The following KCNQ1OT1 variants were observed in gnomAD, a reference collection of about 807,000 sequenced individuals.
The protein encoded by KCNQ1OT1 is KCNQ1 antisense RNA 2 (non-protein coding).
At chr11:2,666,933 C>G in exon 1 of KCNQ1OT1, 2 of 398,698 alleles carry the variant, frequency 5.0e-6, no homozygotes, top group Non-Finnish European at 8.8e-6. Flanking sequence ...CTCCAGACCA[C>G]CTCTGTCTGC....
At chr11:2,609,124 C>T (rs1217343523) in exon 1 of KCNQ1OT1, 3 of 398,040 alleles carry the variant, frequency 7.5e-6, no homozygotes, top group Admixed American at 8.8e-5. Flanking sequence ...AGTTGGCTTA[C>T]TGATTTGAAG....
chr11:2,684,941 T>C (rs909400931), exon 1 of KCNQ1OT1: 1 of 398,688 alleles, frequency 2.5e-6, no homozygotes, highest in Non-Finnish European at 4.4e-6. Flanking sequence ...CAGCATGTTA[T>C]CTTTGTACCT....
chr11:2,689,180 T>C (rs1199144041), exon 1 of KCNQ1OT1: 15 of 398,680 alleles, frequency 3.8e-5, no homozygotes, highest in Admixed American at 8.8e-5. Context: ...TCCTCCTCCT[T>C]TTCTGTGCAA....
exon 1 of KCNQ1OT1, chr11:2,686,052 G>A: frequency 2.5e-6 from 1 of 399,274 alleles, no homozygotes; most frequent in Admixed American, 4.4e-5. Context: ...CATCTGATGG[G>A]GCAGGGGCAG....
At position 2,662,054 on chromosome 11, in the gene KCNQ1OT1, T is replaced by A. The variant is rs1849967991; in HGVS notation, n.37941A>T. 6.8e-6 allele frequency: 11 copies of A among 1,614,230 alleles called. No individual in the cohort carries two copies. The highest frequency in any genetic ancestry group is 1.6e-4 in the Middle Eastern group (1 of 6,062). ...GACCTGGACCTGGAAGGGGAGACTCTGCTGACACCCATCACCCACATCTCA... is the reference window on the plus strand; with the variant it reads ...GACCTGGACCTGGAAGGGGAGACTCAGCTGACACCCATCACCCACATCTCA... On this transcript the variant is annotated non_coding_transcript_exon_variant, in exon 1 of 1. Coordinates refer to ENST00000597346, the Ensembl canonical transcript of KCNQ1OT1.
At chr11:2,662,514 T>C in exon 1 of KCNQ1OT1, 1 of 428,540 alleles carries the variant, frequency 2.3e-6, no homozygotes, top group Admixed American at 3.9e-5. Context: ...CTCCTTCAGG[T>C]GGAGGAAATG....
rs192002459 is a variant in KCNQ1OT1, at chr11:2,612,309, A to C, written n.87686T>G. 1 of 398,676 alleles carries C rather than the reference A, an allele frequency of 2.5e-6. No homozygotes were observed. The highest frequency in any genetic ancestry group is 2.1e-5 in the African/African-American group (1 of 48,776). The allele number at this position is 398,676 out of a possible 1,614,324, so 24.7% of individuals were successfully genotyped here. Reference sequence around the variant, plus strand: ...TCTAGGTTGTGCACTCCGTATGAGAATCTAACTAAAGCCTCCCCCAACTGG... The same window carrying C: ...TCTAGGTTGTGCACTCCGTATGAGACTCTAACTAAAGCCTCCCCCAACTGG... On this transcript the variant is annotated non_coding_transcript_exon_variant, in exon 1 of 1. Transcript: ENST00000597346. This position sits in a 1 kb window ranked among gnomAD's most constrained non-coding sequence, Gnocchi z 5.5.
chr11:2,631,825 C>T, exon 1 of KCNQ1OT1: 1 of 398,546 alleles, frequency 2.5e-6, no homozygotes. Flanking sequence ...TGTCCTGATG[C>T]TGTCGTGTAA....
In KCNQ1OT1 at chr11:2,664,180, G is replaced by A. The variant is rs1850021100; in HGVS notation, n.35815C>T. The A allele has an allele frequency of 1.0e-5, 4 of 398,672 alleles. No homozygotes were observed. The highest frequency in any genetic ancestry group is 8.8e-6 in the Non-Finnish European group (2 of 226,224). The allele number at this position is 398,672 out of a possible 1,614,324, so 24.7% of individuals were successfully genotyped here. A position where few individuals can be genotyped will look rare whatever the true frequency, so the allele number is the denominator to read the frequency against. The stretch of plus-strand genomic sequence containing the variant: ...TGTTCCAAAAGTGGCTGCTAGATAT[G>A]AGCCAGCCTGGGAAGGCAGGAAGGA... On this transcript the variant is annotated non_coding_transcript_exon_variant, in exon 1 of 1. Coordinates refer to ENST00000597346, the Ensembl canonical transcript of KCNQ1OT1. This position sits in a 1 kb window ranked among gnomAD's most constrained non-coding sequence, Gnocchi z 5.1.
At chr11:2,655,439 G>A (rs1273229543) in exon 1 of KCNQ1OT1, 3 of 398,602 alleles carry the variant, frequency 7.5e-6, no homozygotes, top group Non-Finnish European at 4.4e-6. Context: ...ACTCTAGGCA[G>A]TTCAGCAAAG....
exon 1 of KCNQ1OT1, chr11:2,622,091 A>G (rs1268546114): frequency 1.0e-5 from 4 of 398,126 alleles, no homozygotes; most frequent in Admixed American, 4.4e-5. Flanking sequence ...TTGTCTGAAG[A>G]TATTTTTAAG....
Position 2,626,164 on chromosome 11 carries a change from A to G in KCNQ1OT1, n.73831T>C, listed in dbSNP as rs192425187. 3 of 382,356 alleles carry G rather than the reference A, an allele frequency of 7.8e-6. No individual in the cohort carries two copies. The highest frequency in any genetic ancestry group is 3.6e-5 in the East Asian group (1 of 28,058). The allele number at this position is 382,356 out of a possible 1,614,324, so 23.7% of individuals were successfully genotyped here. A position where few individuals can be genotyped will look rare whatever the true frequency, so the allele number is the denominator to read the frequency against. On this transcript the variant is annotated non_coding_transcript_exon_variant, in exon 1 of 1. Transcript: ENST00000597346. The surrounding 1 kb of genome is among the most constrained non-coding windows in gnomAD (Gnocchi z 4.0). ...GCCAATGATGTAAAGTTTTTCCCCTATGTTTCCTTATAAGACTTCATAGTT... is the reference window on the plus strand; with the variant it reads ...GCCAATGATGTAAAGTTTTTCCCCTGTGTTTCCTTATAAGACTTCATAGTT...
rs1320262749 is a variant in KCNQ1OT1, at chr11:2,657,277, G to T, written n.42718C>A. On this transcript the variant is annotated non_coding_transcript_exon_variant, in exon 1 of 1. Coordinates refer to ENST00000597346, the Ensembl canonical transcript of KCNQ1OT1. This position sits in a 1 kb window ranked among gnomAD's most constrained non-coding sequence, Gnocchi z 4.8. The stretch of plus-strand genomic sequence containing the variant: ...ACAGAAGCCTTGAGATTTTTATTAA[G>T]ATTTGGAGAGATTTATTCAGATTTT... 4 of 398,446 alleles carry T rather than the reference G, an allele frequency of 1.0e-5. No homozygotes were observed. Among genetic ancestry groups the T allele is most frequent in the African/African-American group, 4.1e-5 (2 of 48,596 alleles). The allele number at this position is 398,446 out of a possible 1,614,324, so 24.7% of individuals were successfully genotyped here. A position where few individuals can be genotyped will look rare whatever the true frequency, so the allele number is the denominator to read the frequency against.
chr11:2,648,981 C>CTTTTTTTTTTTTTTTTTTTTTTTCTT, exon 1 of KCNQ1OT1: 1 of 213,308 alleles, frequency 4.7e-6, no homozygotes, highest in Non-Finnish European at 7.8e-6. Context: ...TTTTCTTTTT[C>CTTTTTTTTTTTTTTTTTTTTTTTCTT]TTTTTTTTTT....
chr11:2,660,657 TCA>T (rs1422114269), exon 1 of KCNQ1OT1: 12 of 398,504 alleles, frequency 3.0e-5, no homozygotes, highest in African/African-American at 1.9e-4. Context: ...CAGCAATGCC[TCA>T]GTTTTCATCC....
chr11:2,653,894 G>A lies in KCNQ1OT1; in HGVS notation n.46101C>T. On this transcript the variant is annotated non_coding_transcript_exon_variant, in exon 1 of 1. Coordinates refer to ENST00000597346, the Ensembl canonical transcript of KCNQ1OT1. This position sits in a 1 kb window ranked among gnomAD's most constrained non-coding sequence, Gnocchi z 5.3. ...GAGTGGGAAAGGAAGAGCCCCCTAA[G>A]GAAGATTTGAGAAGCTGTTCCCAGA... 1 of 398,684 alleles carries A rather than the reference G, an allele frequency of 2.5e-6. No individual in the cohort carries two copies. Among genetic ancestry groups the A allele is most frequent in the Non-Finnish European group, 4.4e-6 (1 of 226,112 alleles). The allele number at this position is 398,684 out of a possible 1,614,324, so 24.7% of individuals were successfully genotyped here.
Position 2,678,665 on chromosome 11 carries a change from C to T in KCNQ1OT1, n.21330G>A. ...GCTCATTTTCACAAATGCAGTCAAC[C>T]AGGGGAATTCATGGCATGGCCTAAG... is the stretch of plus-strand genomic sequence containing the variant. On this transcript the variant is annotated non_coding_transcript_exon_variant, in exon 1 of 1. Transcript: ENST00000597346. This position sits in a 1 kb window ranked among gnomAD's most constrained non-coding sequence, Gnocchi z 4.9. 2.5e-6 allele frequency: 1 copy of T among 398,564 alleles called. No individual in the cohort carries two copies. The highest frequency in any genetic ancestry group is 4.4e-6 in the Non-Finnish European group (1 of 226,074). The allele number at this position is 398,564 out of a possible 1,614,324, so 24.7% of individuals were successfully genotyped here.
exon 1 of KCNQ1OT1, chr11:2,644,942 G>A: frequency 2.5e-6 from 1 of 398,724 alleles, no homozygotes; most frequent in Non-Finnish European, 4.4e-6. Flanking sequence ...TGGCAGCAGT[G>A]GCTGGCCCCG....
chr11:2,682,173 TC>T lies in KCNQ1OT1; in HGVS notation n.17821del. On this transcript the variant is annotated non_coding_transcript_exon_variant, in exon 1 of 1. Transcript: ENST00000597346. This position sits in a 1 kb window ranked among gnomAD's most constrained non-coding sequence, Gnocchi z 5.8. Reference sequence around the variant, plus strand: ...TCAGTATTAAACATATCAAGCTCTCTCCTGACCTTCTCTCCCCTTCCCCAGG... The same window carrying T: ...TCAGTATTAAACATATCAAGCTCTCTCTGACCTTCTCTCCCCTTCCCCAGG... 1 of 398,586 alleles carries T rather than the reference TC, an allele frequency of 2.5e-6. No homozygotes were observed. The highest frequency in any genetic ancestry group is 4.4e-6 in the Non-Finnish European group (1 of 226,062). The allele number at this position is 398,586 out of a possible 1,614,324, so 24.7% of individuals were successfully genotyped here. A position where few individuals can be genotyped will look rare whatever the true frequency, so the allele number is the denominator to read the frequency against.
Sources: gnomAD v4.1 joint callset for allele counts on GRCh38, gnomAD v4.1.1 for gene constraint, Gnocchi (gnomAD v3.1) non-coding constraint, MANE v1.5 for transcripts, NCBI Gene and HGNC (gene_info 2026-07-23, HGNC 2026-07-21) for gene names.